Variants in MYRIP observed in about 807,000 individuals in gnomAD.
MYRIP encodes the protein rab effector MyRIP.
In MYRIP, 49 loss-of-function variants were observed where a neutral mutation model predicts 98.0. The observed-to-expected ratio is 0.50, with a 90% CI of 0.40 to 0.63. MYRIP has a LOEUF of 0.63. Among genes scored for constraint, MYRIP ranks in the 30% least tolerant of loss-of-function variants. The pLI, the probability that MYRIP is intolerant of heterozygous loss-of-function variation, is 0.00. For missense variants in MYRIP, 1,004 were observed against 1,058.2 expected (o/e 0.95, Z 0.71); for synonymous variants, 404 against 409.5 (o/e 0.99, Z 0.16).
intron 3 of MYRIP, among the ~76,000 whole-genome samples, chr3:40,104,807 G>C (rs1276452122): frequency 6.6e-6 from 1 of 152,150 alleles, no homozygotes; most frequent in Admixed American, 6.5e-5. Flanking sequence ...TGCGTATATT[G>C]TTCTTGACAA....
chr3:40,170,739 C>T (rs555841750), intron 8 of MYRIP, among the ~76,000 whole-genome samples: 1 of 152,158 alleles, frequency 6.6e-6, no homozygotes, highest in Non-Finnish European at 1.5e-5. Context: ...CTGCAAGAAA[C>T]TGAGGGACTG....
chr3:39,873,374 T>G (rs569683435), intron 1 of MYRIP, among the ~76,000 whole-genome samples: 7 of 152,342 alleles, frequency 4.6e-5, no homozygotes, highest in Non-Finnish European at 4.4e-5. Context: ...TGGCTTTTGT[T>G]GCCATTGCTT....
chr3:39,828,618 T>C (rs558507775), intron 1 of MYRIP, among the ~76,000 whole-genome samples: 1 of 152,316 alleles, frequency 6.6e-6, no homozygotes, highest in Non-Finnish European at 1.5e-5. Context: ...TTGTCTTTTA[T>C]CTCTCGCTCC....
intron 1 of MYRIP, among the ~76,000 whole-genome samples, chr3:39,860,763 G>A (rs1229241201): frequency 1.3e-5 from 2 of 152,086 alleles, no homozygotes; most frequent in African/African-American, 2.4e-5. Context: ...ACTTGCCCAC[G>A]GCCACTCCCC....
chr3:39,815,242 C>T (rs1940860628), intron 1 of MYRIP, among the ~76,000 whole-genome samples: 1 of 152,114 alleles, frequency 6.6e-6, no homozygotes, highest in East Asian at 1.9e-4. Context: ...TACATTTGCC[C>T]ATTCTGGATA....
intron 3 of MYRIP, among the ~76,000 whole-genome samples, chr3:40,105,134 C>T (rs1420429037): frequency 1.3e-5 from 2 of 152,144 alleles, no homozygotes; most frequent in Admixed American, 6.5e-5. Flanking sequence ...AGAATTTAGC[C>T]TCTTCCACCT....
chr3:40,204,918 C>CGTG (rs1469688560), intron 10 of MYRIP, among the ~76,000 whole-genome samples: 1 of 152,146 alleles, frequency 6.6e-6, no homozygotes, highest in African/African-American at 2.4e-5. Flanking sequence ...CAATAGAAGC[C>CGTG]AGCACCCCTT....
rs1395365742 is a variant in MYRIP at position 40,040,849 on chromosome 3, GA to G, written c.111-3200del. Among the ~76,000 whole-genome samples, 87 of 49,178 alleles carry G rather than the reference GA, an allele frequency of 1.8e-3. 1 individual carries two copies. The highest frequency in any genetic ancestry group is 3.1e-3 in the Non-Finnish European group (66 of 21,256). The allele number at this position is 49,178 out of a possible 152,430, so 32.3% of individuals were successfully genotyped here. ...ACTGTGGTGGGGTCGGGGGAGGGGG[GA>G]GGGATAGCATTGGGAGATATACCTA... On this transcript the variant is annotated intron_variant, in intron 2 of 16. Coordinates refer to ENST00000302541, the MANE Select transcript of MYRIP (RefSeq NM_015460.4).
intron 1 of MYRIP, among the ~76,000 whole-genome samples, chr3:39,868,014 T>C (rs565400136): frequency 6.6e-6 from 1 of 152,212 alleles, no homozygotes; most frequent in Non-Finnish European, 1.5e-5. Flanking sequence ...CACTGTCTTT[T>C]TGTATATTTG....
chr3:39,981,250 GT>G (rs1485415686), intron 2 of MYRIP, among the ~76,000 whole-genome samples: 1 of 151,856 alleles, frequency 6.6e-6, no homozygotes, highest in Non-Finnish European at 1.5e-5. Flanking sequence ...GGCCAATCTG[GT>G]TTTTTAATTT....
chr3:39,938,782 G>A (rs1365153250), intron 2 of MYRIP, among the ~76,000 whole-genome samples: 1 of 152,120 alleles, frequency 6.6e-6, no homozygotes, highest in East Asian at 1.9e-4. Context: ...TGGAATTATA[G>A]GCATGCACCA....
intron 2 of MYRIP, among the ~76,000 whole-genome samples, chr3:39,901,161 C>CT (rs2125671299): frequency 6.6e-6 from 1 of 152,360 alleles, no homozygotes; most frequent in Non-Finnish European, 1.5e-5. Context: ...TATGTCATTA[C>CT]TAGCTATAGA....
intron 8 of MYRIP, among the ~76,000 whole-genome samples, chr3:40,176,851 A>G (rs1950772830): frequency 6.7e-6 from 1 of 149,238 alleles, no homozygotes; most frequent in Non-Finnish European, 1.5e-5. Context: ...AGAGGTTGCA[A>G]TGAGCCGAGA....
intron 11 of MYRIP, among the ~76,000 whole-genome samples, chr3:40,213,387 G>C (rs1246253213): frequency 6.6e-6 from 1 of 152,208 alleles, no homozygotes; most frequent in Non-Finnish European, 1.5e-5. Context: ...AAGCTTCACT[G>C]TCATGAAATA....
intron 2 of MYRIP, among the ~76,000 whole-genome samples, chr3:39,991,008 G>A (rs923389644): frequency 1.3e-5 from 2 of 152,118 alleles, no homozygotes; most frequent in Admixed American, 6.5e-5. Context: ...GGGGAGTGTG[G>A]GGCTACGGGA....
At chr3:40,103,068 T>A (rs1948978668) in intron 3 of MYRIP, among the ~76,000 whole-genome samples, 1 of 151,882 alleles carries the variant, frequency 6.6e-6, no homozygotes. Context: ...ATATCACCAC[T>A]CTTGCCATCT....
chr3:39,931,596 C>T (rs958144619), intron 2 of MYRIP, among the ~76,000 whole-genome samples: 1 of 151,966 alleles, frequency 6.6e-6, no homozygotes, highest in African/African-American at 2.4e-5. Context: ...TTTATCTTGG[C>T]AGGGGGGAAA....
At chr3:39,967,343 A>G (rs1455610391) in intron 2 of MYRIP, among the ~76,000 whole-genome samples, 1 of 152,018 alleles carries the variant, frequency 6.6e-6, no homozygotes, top group Non-Finnish European at 1.5e-5. Context: ...AACATGTGGT[A>G]TTTGGTTTTC....
At chr3:40,229,285 CAGAG>C (rs1238835481) in intron 11 of MYRIP, among the ~76,000 whole-genome samples, 1 of 152,126 alleles carries the variant, frequency 6.6e-6, no homozygotes, top group African/African-American at 2.4e-5. Flanking sequence ...AAACACAAGA[CAGAG>C]AGATTGCTAA....
Sources: allele counts gnomAD v4.1 joint callset (sites outside exome capture counted in the v4.1 genomes callset), GRCh38; gene constraint gnomAD v4.1.1; transcripts MANE v1.5; gene names NCBI Gene and HGNC (gene_info 2026-07-23, HGNC 2026-07-21).